Variants in MLLT3 observed in about 807,000 individuals in gnomAD.
MLLT3 encodes the protein protein AF-9.
In MLLT3, 4 loss-of-function variants were observed where a neutral mutation model predicts 53.2. The ratio of observed to expected loss-of-function variants is 0.08; its 90% CI spans 0.04 to 0.17. The LOEUF (loss-of-function observed/expected upper bound fraction) is 0.17, where lower values mean the gene tolerates loss of function less well. Among genes scored for constraint, MLLT3 ranks in the 10% least tolerant of loss-of-function variants. The pLI is 1.00. For missense variants in MLLT3, 569 were observed against 684.0 expected (o/e 0.83, Z 1.87); for synonymous variants, 283 against 230.6 (o/e 1.23, Z -2.06).
At chr9:20,387,900 G>A (rs1586911002) in intron 5 of MLLT3, among the ~76,000 whole-genome samples, 2 of 152,256 alleles carry the variant, frequency 1.3e-5, no homozygotes. Context: ...TAAATATCTG[G>A]AAGTTCCAGT....
intron 2 of MLLT3, among the ~76,000 whole-genome samples, chr9:20,506,186 T>C (rs1392535069): frequency 1.3e-5 from 2 of 152,050 alleles, no homozygotes; most frequent in Non-Finnish European, 2.9e-5. Flanking sequence ...CCCCAAGTAG[T>C]TGGGATTACA....
intron 2 of MLLT3, among the ~76,000 whole-genome samples, chr9:20,613,104 G>A (rs1820740483): frequency 6.6e-6 from 1 of 150,582 alleles, no homozygotes; most frequent in Non-Finnish European, 1.5e-5. Context: ...AGAGAATGAC[G>A]TGGCTCTTTA....
chr9:20,484,637 C>T lies in MLLT3; in HGVS notation c.194-27851G>A, dbSNP rs559257865. Among the ~76,000 whole-genome samples, 36 of 152,252 alleles carry T rather than the reference C, an allele frequency of 2.4e-4. 1 individual carries two copies. The highest frequency in any genetic ancestry group is 6.3e-4 in the African/African-American group (26 of 41,550). Reference sequence around the variant, plus strand: ...GATTTCTCTGCATCTTCCTCCTAAGCCCAAAATTACCAATTTCTCCCCGGA... The same window carrying T: ...GATTTCTCTGCATCTTCCTCCTAAGTCCAAAATTACCAATTTCTCCCCGGA... On this transcript the variant is annotated intron_variant, in intron 2 of 10. Transcript: ENST00000380338.
At chr9:20,361,002 G>A (rs552851175) in intron 7 of MLLT3, among the ~76,000 whole-genome samples, 161 bp from the exon 8 acceptor site, 1 of 152,190 alleles carries the variant, frequency 6.6e-6, no homozygotes, top group East Asian at 1.9e-4. Flanking sequence ...TTTGTAACTG[G>A]AACTGTGTTA....
At chr9:20,602,358 A>G (rs1820446657) in intron 2 of MLLT3, among the ~76,000 whole-genome samples, 1 of 152,202 alleles carries the variant, frequency 6.6e-6, no homozygotes, top group African/African-American at 2.4e-5. Flanking sequence ...TATTCAATGT[A>G]GCAAAACTCA....
chr9:20,448,360 G>A lies in MLLT3; in HGVS notation c.277-94C>T. ...TTTACTCCTCATAAGAAATAGAAAA[G>A]AACTAAGACATCTAACAGCTAAACT... On this transcript the variant is annotated intron_variant, in intron 3 of 10. Coordinates refer to ENST00000380338, the MANE Select transcript of MLLT3 (RefSeq NM_004529.4). The surrounding 1 kb of genome is among the most constrained non-coding windows in gnomAD (Gnocchi z 4.0). 4 of 1,148,104 alleles carry A rather than the reference G, an allele frequency of 3.5e-6. No homozygotes were observed. Among genetic ancestry groups the A allele is most frequent in the Non-Finnish European group, 3.7e-6 (3 of 809,710 alleles). The allele number at this position is 1,148,104 out of a possible 1,614,324, so 71.1% of individuals were successfully genotyped here.
At chr9:20,436,764 A>G (rs1054931934) in intron 4 of MLLT3, among the ~76,000 whole-genome samples, 8 of 152,162 alleles carry the variant, frequency 5.3e-5, no homozygotes, top group Non-Finnish European at 8.8e-5. Flanking sequence ...ATTATATCAA[A>G]GAATTTCATC....
chr9:20,557,490 TA>T (rs1361272631), intron 2 of MLLT3, among the ~76,000 whole-genome samples: 6 of 152,196 alleles, frequency 3.9e-5, no homozygotes, highest in African/African-American at 1.4e-4. Context: ...ACATCATCGT[TA>T]TTGCCCCCAC....
chr9:20,599,034 G>C (rs577300397), intron 2 of MLLT3, among the ~76,000 whole-genome samples: 1 of 152,122 alleles, frequency 6.6e-6, no homozygotes, highest in Non-Finnish European at 1.5e-5. Context: ...GGCCAGGCGC[G>C]GTGGCTCACG....
At chr9:20,361,339 A>G (rs1231358813) in intron 7 of MLLT3, among the ~76,000 whole-genome samples, 2 of 152,224 alleles carry the variant, frequency 1.3e-5, no homozygotes, top group African/African-American at 4.8e-5. Flanking sequence ...TGAAAAAGTT[A>G]CAAACATGTC....
chr9:20,497,448 C>T (rs538532108), intron 2 of MLLT3, among the ~76,000 whole-genome samples: 18 of 152,286 alleles, frequency 1.2e-4, no homozygotes, highest in African/African-American at 4.1e-4. Flanking sequence ...CCTCCCTGCC[C>T]TGTCTAGGCT....
chr9:20,397,304 A>C (rs1043430000), intron 5 of MLLT3, among the ~76,000 whole-genome samples: 1 of 152,162 alleles, frequency 6.6e-6, no homozygotes, highest in Admixed American at 6.5e-5. Flanking sequence ...TAATTAACAT[A>C]ATTAGAAGAA....
At position 20,360,841 on chromosome 9, in the gene MLLT3, T is replaced by C. The variant is rs753863182; in HGVS notation, c.1332A>G (p.Arg444=). 6.2e-7 allele frequency: 1 copy of C among 1,613,240 alleles called. No individual in the cohort carries two copies. Among genetic ancestry groups the C allele is most frequent in the South Asian group, 1.1e-5 (1 of 91,066 alleles). ...TATCGCTGCCATCACTTAAGCTAAC[T>C]CTGAAAAGAAACAGACAAGTTATGC... ...PVNRGGSRSR[R]VSLSDGSDSE... is the part of the protein sequence containing the mutation. Residue 444 remains arginine, a splice_region_variant and synonymous_variant, in exon 8 of 11, where the codon AGA becomes AGG. Coordinates refer to ENST00000380338, the MANE Select transcript of MLLT3 (RefSeq NM_004529.4).
chr9:20,459,922 G>T (rs1257513378), intron 2 of MLLT3, among the ~76,000 whole-genome samples: 2 of 152,110 alleles, frequency 1.3e-5, no homozygotes, highest in African/African-American at 4.8e-5. Context: ...ACAATAAACA[G>T]GCTAGAAAAT....
chr9:20,364,393 G>A (rs1821398524), intron 6 of MLLT3, among the ~76,000 whole-genome samples: 1 of 152,180 alleles, frequency 6.6e-6, no homozygotes, highest in African/African-American at 2.4e-5. Context: ...ATTCATCAGT[G>A]TGGCTTATTT....
intron 2 of MLLT3, among the ~76,000 whole-genome samples, chr9:20,464,203 T>C (rs1563975778): frequency 2.0e-5 from 3 of 151,994 alleles, no homozygotes; most frequent in Non-Finnish European, 4.4e-5. Flanking sequence ...AGAATTTTAA[T>C]GTGTTAATTT....
chr9:20,620,817 C>T lies in MLLT3; in HGVS notation c.30G>A (p.Lys10=). The T allele has an allele frequency of 6.2e-7, 1 of 1,614,178 alleles. No homozygotes were observed. Among genetic ancestry groups the T allele is most frequent in the South Asian group, 1.1e-5 (1 of 91,088 alleles). MASSCAVQV[K]LELGHRAQVR... is the part of the protein sequence containing the mutation. ...CCTGGGCGCGGTGCCCCAGCTCCAG[C>T]TTCACCTGCACGGCACACTGCGGGC... Residue 10 remains lysine (K), a synonymous_variant, in exon 2 of 11, where the codon AAG becomes AAA. Coordinates refer to ENST00000380338, the MANE Select transcript of MLLT3 (RefSeq NM_004529.4). The surrounding 1 kb of genome is among the most constrained non-coding windows in gnomAD (Gnocchi z 6.1).
intron 5 of MLLT3, among the ~76,000 whole-genome samples, chr9:20,386,352 C>A (rs973288020): frequency 3.9e-5 from 6 of 152,180 alleles, no homozygotes; most frequent in Non-Finnish European, 7.3e-5. Context: ...CATTCAAATA[C>A]CTCTCTGGTC....
intron 2 of MLLT3, among the ~76,000 whole-genome samples, chr9:20,527,204 A>G (rs6475453): frequency 0.45 from 67,649 of 151,994 alleles, 15,671 homozygotes; most frequent in East Asian, 0.68. Flanking sequence ...AGAAGAATAT[A>G]TAAAGAAGGG....
Sources: allele counts gnomAD v4.1 joint callset (sites outside exome capture counted in the v4.1 genomes callset), GRCh38; gene constraint gnomAD v4.1.1; non-coding constraint Gnocchi (gnomAD v3.1); transcripts MANE v1.5; gene names NCBI Gene and HGNC (gene_info 2026-07-23, HGNC 2026-07-21).